Variants in ITPR2 observed in about 807,000 individuals in gnomAD.
ITPR2 encodes the protein inositol 1,4,5-trisphosphate receptor type 2.
Under a neutral mutation model 317.1 loss-of-function variants are expected in ITPR2, and 207 were observed. The observed-to-expected ratio is 0.65, with a 90% CI of 0.58 to 0.73. The LOEUF (loss-of-function observed/expected upper bound fraction) is 0.73, where lower values mean the gene tolerates loss of function less well. Ranked by LOEUF, ITPR2 falls within the 30% of genes least tolerant of loss-of-function variation. The pLI, the probability that ITPR2 is intolerant of heterozygous loss-of-function variation, is 0.00. For missense variants in ITPR2, 2,613 were observed against 3,284.0 expected (o/e 0.80, Z 4.99); for synonymous variants, 1,156 against 1,149.1 (o/e 1.01, Z -0.12).
At chr12:26,621,327 A>T (rs1565646404) in intron 25 of ITPR2, 31 bp from the exon 26 acceptor site, 1 of 1,516,524 alleles carries the variant, frequency 6.6e-7, no homozygotes, top group African/African-American at 1.4e-5. Flanking sequence ...TCTTAGTTGA[A>T]GTTCACTATT....
chr12:26,728,929 A>G (rs1349584245), intron 2 of ITPR2, among the ~76,000 whole-genome samples: 2 of 152,228 alleles, frequency 1.3e-5, no homozygotes, highest in African/African-American at 4.8e-5. Context: ...AGTTCCTTAC[A>G]CATGCTGGAT....
rs779779612 is a variant in ITPR2, at chr12:26,494,239, T to A, written c.5284A>T (p.Ile1762Leu). ...EGASELVIDV[I>L]VNTKNDRIFS... Reference sequence around the variant, plus strand: ...ATTCTGTCATTTTTGGTGTTCACTATAACATCGATGACAAGTTCTGATGCA... The same window carrying A: ...ATTCTGTCATTTTTGGTGTTCACTAAAACATCGATGACAAGTTCTGATGCA... The change falls in exon 39 of 57, where the codon ATA (isoleucine) becomes TTA (leucine). Residue 1762 changes from isoleucine (I) to leucine (L), a missense_variant. Ile to Leu is a conservative substitution (Grantham distance 5). This residue lies in a region of ITPR2 where 926 missense variants were observed against 1,072.8 expected (regional missense o/e 0.86). Transcript: ENST00000381340. The A allele has an allele frequency of 6.2e-7, 1 of 1,613,710 alleles. No individual in the cohort carries two copies. The highest frequency in any genetic ancestry group is 1.1e-5 in the South Asian group (1 of 91,054).
At chr12:26,788,177 C>A (rs1158735650) in intron 2 of ITPR2, among the ~76,000 whole-genome samples, 1 of 152,286 alleles carries the variant, frequency 6.6e-6, no homozygotes, top group South Asian at 2.1e-4. Context: ...CCGCCTTGGC[C>A]TCCCAAAGTG....
At chr12:26,406,878 T>C (rs969259301) in intron 52 of ITPR2, among the ~76,000 whole-genome samples, 2 of 152,292 alleles carry the variant, frequency 1.3e-5, no homozygotes, top group Admixed American at 1.3e-4. Flanking sequence ...CAATGTCAAA[T>C]ACAAAAAGTG....
chr12:26,511,853 T>C (rs1384772686), intron 37 of ITPR2, among the ~76,000 whole-genome samples: 1 of 152,202 alleles, frequency 6.6e-6, no homozygotes, highest in Non-Finnish European at 1.5e-5. Flanking sequence ...AAGCCATCTC[T>C]GTCCACCATT....
intron 55 of ITPR2, among the ~76,000 whole-genome samples, chr12:26,364,899 A>G (rs1440277702): frequency 6.6e-6 from 1 of 152,170 alleles, no homozygotes; most frequent in East Asian, 1.9e-4. Context: ...TTTGTCCCCT[A>G]AGAGAGAGAC....
At chr12:26,544,826 G>C (rs1055982325) in intron 37 of ITPR2, among the ~76,000 whole-genome samples, 2 of 152,050 alleles carry the variant, frequency 1.3e-5, no homozygotes, top group African/African-American at 4.8e-5. Context: ...AAATCCAGCT[G>C]GTTAGGCATT....
At chr12:26,487,331 T>C in intron 39 of ITPR2, 80 bp from the exon 40 acceptor site, 1 of 1,021,744 alleles carries the variant, frequency 9.8e-7, no homozygotes, top group Non-Finnish European at 1.4e-6. Flanking sequence ...AACATAAGCA[T>C]TATAGGCAAA....
chr12:26,348,932 G>T (rs901406036), intron 55 of ITPR2, among the ~76,000 whole-genome samples: 5 of 152,190 alleles, frequency 3.3e-5, no homozygotes, highest in African/African-American at 1.2e-4. Flanking sequence ...ACTGGGTGTG[G>T]TGGTGTACAC....
At chr12:26,775,631 T>A (rs1949946771) in intron 2 of ITPR2, among the ~76,000 whole-genome samples, 1 of 152,112 alleles carries the variant, frequency 6.6e-6, no homozygotes, top group African/African-American at 2.4e-5. Context: ...CAAAGGAGAT[T>A]AACATTTGAG....
intron 37 of ITPR2, among the ~76,000 whole-genome samples, chr12:26,520,324 CA>C (rs1565577342): frequency 6.6e-6 from 1 of 152,128 alleles, no homozygotes; most frequent in Non-Finnish European, 1.5e-5. Flanking sequence ...GGAGGAAGAA[CA>C]GACTCCAGGA....
chr12:26,441,682 T>C (rs543860332), intron 46 of ITPR2, among the ~76,000 whole-genome samples: 67 of 152,282 alleles, frequency 4.4e-4, no homozygotes, highest in African/African-American at 1.4e-3. Flanking sequence ...TCCAACTCCA[T>C]GGATGACTCA....
In ITPR2 at chr12:26,657,813, AGAGCC is replaced by A. The variant is rs1947406624; in HGVS notation, c.2081_2085del (p.Trp694LeufsTer4). On this transcript the variant is annotated frameshift_variant, in exon 18 of 57. Transcript: ENST00000381340. LOFTEE classifies it high-confidence loss of function. Reference sequence around the variant, plus strand: ...GGTTCCTTGTTGCTGTCAATCCAATAGAGCCAAACTTCTTCATCATCAATGTCATC... The same window carrying A: ...GGTTCCTTGTTGCTGTCAATCCAATAAAACTTCTTCATCATCAATGTCATC... 1.2e-6 allele frequency: 2 copies of A among 1,614,078 alleles called. No homozygotes were observed. Among genetic ancestry groups the A allele is most frequent in the Non-Finnish European group, 1.7e-6 (2 of 1,180,018 alleles).
intron 29 of ITPR2, among the ~76,000 whole-genome samples, chr12:26,599,622 G>A (rs1417982443): frequency 3.3e-5 from 5 of 152,006 alleles, no homozygotes; most frequent in African/African-American, 9.7e-5. Context: ...TCAAAATTAG[G>A]TCTTCCATAA....
intron 1 of ITPR2, among the ~76,000 whole-genome samples, chr12:26,816,629 G>T (rs191102406): frequency 1.2e-3 from 178 of 152,162 alleles, no homozygotes; most frequent in Non-Finnish European, 1.5e-3. Context: ...TATAGTGGGT[G>T]AAACAAACAT....
chr12:26,728,341 C>T (rs988638319), intron 2 of ITPR2, among the ~76,000 whole-genome samples: 2 of 152,148 alleles, frequency 1.3e-5, no homozygotes, highest in African/African-American at 4.8e-5. Context: ...GTGAAAATAG[C>T]CAAATGAACA....
intron 2 of ITPR2, among the ~76,000 whole-genome samples, chr12:26,731,442 T>C (rs924783516): frequency 1.3e-5 from 2 of 152,002 alleles, no homozygotes; most frequent in Admixed American, 6.6e-5. Flanking sequence ...TGGAAAGTGG[T>C]TAAAAAAGAA....
At chr12:26,561,043 A>C (rs537122938) in intron 35 of ITPR2, among the ~76,000 whole-genome samples, 1 of 152,306 alleles carries the variant, frequency 6.6e-6, no homozygotes, top group South Asian at 2.1e-4. Flanking sequence ...TAGGGCTTTC[A>C]AAAGTGTAAT....
At chr12:26,655,946 G>T in intron 19 of ITPR2, 94 bp from the exon 20 acceptor site, 2 of 1,249,778 alleles carry the variant, frequency 1.6e-6, no homozygotes, top group African/African-American at 1.5e-5. Context: ...CATAATCTTG[G>T]ATAAATTAGT....
Sources: allele counts gnomAD v4.1 joint callset (sites outside exome capture counted in the v4.1 genomes callset), GRCh38; gene constraint gnomAD v4.1.1; regional missense constraint gnomAD v4.1.1; transcripts MANE v1.5; gene names NCBI Gene and HGNC (gene_info 2026-07-23, HGNC 2026-07-21).